PRKG1: variants seen among roughly 807,000 people sequenced by gnomAD.
PRKG1 encodes the protein protein kinase cGMP-dependent 1, also known as cGMP-dependent protein kinase 1.
Under a neutral mutation model 88.1 loss-of-function variants are expected in PRKG1, and 35 were observed. The observed-to-expected ratio is 0.40, with a 90% CI of 0.30 to 0.53. PRKG1 has a LOEUF of 0.53. Ranked by LOEUF, PRKG1 falls within the 20% of genes least tolerant of loss-of-function variation. The pLI is 0.59. For missense variants in PRKG1, 540 were observed against 839.8 expected (o/e 0.64, Z 4.41); for synonymous variants, 303 against 292.5 (o/e 1.04, Z -0.37).
chr10:51,255,930 A>C (rs1181625786), intron 2 of PRKG1, among the ~76,000 whole-genome samples: 1 of 152,142 alleles, frequency 6.6e-6, no homozygotes, highest in African/African-American at 2.4e-5. Flanking sequence ...CTCCTTTTGC[A>C]GATGAGGGAA....
chr10:51,124,704 G>A (rs1362464081), intron 1 of PRKG1, among the ~76,000 whole-genome samples: 1 of 152,128 alleles, frequency 6.6e-6, no homozygotes, highest in East Asian at 1.9e-4. Context: ...AACAAGCATG[G>A]CTTTAGCCCT....
At chr10:52,200,084 G>A (rs1839624265) in intron 9 of PRKG1, among the ~76,000 whole-genome samples, 1 of 151,936 alleles carries the variant, frequency 6.6e-6, no homozygotes, top group Non-Finnish European at 1.5e-5. Flanking sequence ...TTTAGTTGCG[G>A]GAGTACATGT....
chr10:51,275,943 A>C (rs978652550), intron 2 of PRKG1, among the ~76,000 whole-genome samples: 4 of 152,118 alleles, frequency 2.6e-5, no homozygotes, highest in African/African-American at 4.8e-5. Flanking sequence ...AAAAAGCCTA[A>C]AGCAAAGAAG....
chr10:52,153,568 A>G (rs1838001278), intron 8 of PRKG1, among the ~76,000 whole-genome samples: 1 of 152,202 alleles, frequency 6.6e-6, no homozygotes, highest in South Asian at 2.1e-4. Flanking sequence ...GATCTAGGTT[A>G]GATGGATGAT....
Position 51,268,088 on chromosome 10 carries a change from C to T in PRKG1, c.478+114758C>T, listed in dbSNP as rs560663252. Among the ~76,000 whole-genome samples, 141 of 152,172 alleles carry T rather than the reference C, an allele frequency of 9.3e-4. 1 individual carries two copies. Among genetic ancestry groups the T allele is most frequent in the African/African-American group, 3.1e-3 (129 of 41,516 alleles). ...GGAGACATCACATGTCAGCAGGTTC[C>T]GTGATGCCCCACAAGCCACAAAACC... is the stretch of plus-strand genomic sequence containing the variant. On this transcript the variant is annotated intron_variant, in intron 2 of 17. Transcript: ENST00000373980.
intron 3 of PRKG1, among the ~76,000 whole-genome samples, chr10:51,660,795 G>A (rs1022985433): frequency 6.6e-6 from 1 of 151,998 alleles, no homozygotes; most frequent in Non-Finnish European, 1.5e-5. Flanking sequence ...GGCTGCCAGT[G>A]GGTAAAAAGG....
chr10:52,182,993 GA>G (rs1839083755), intron 9 of PRKG1, among the ~76,000 whole-genome samples: 1 of 152,154 alleles, frequency 6.6e-6, no homozygotes, highest in African/African-American at 2.4e-5. Context: ...TTTATATGAT[GA>G]GAGAGGGATA....
intron 3 of PRKG1, among the ~76,000 whole-genome samples, chr10:51,583,154 A>G (rs1348431256): frequency 6.6e-6 from 1 of 152,154 alleles, no homozygotes; most frequent in East Asian, 1.9e-4. Flanking sequence ...CTATTTTGTA[A>G]TCTGAACATT....
intron 3 of PRKG1, among the ~76,000 whole-genome samples, chr10:51,772,515 G>T (rs899330487): frequency 1.3e-5 from 2 of 151,838 alleles, no homozygotes; most frequent in African/African-American, 4.8e-5. Context: ...TTATATAAAC[G>T]TGAATATATT....
intron 2 of PRKG1, among the ~76,000 whole-genome samples, chr10:51,418,723 A>G (rs138261876): frequency 1.6e-4 from 24 of 152,304 alleles, no homozygotes; most frequent in Middle Eastern, 3.4e-3. Flanking sequence ...TGTAGCCAAG[A>G]TGTAGCCCCA....
chr10:51,254,744 C>A (rs943498062), intron 2 of PRKG1, among the ~76,000 whole-genome samples: 2 of 151,928 alleles, frequency 1.3e-5, no homozygotes, highest in African/African-American at 4.8e-5. Context: ...TTTCTTTAGA[C>A]TGAAATTATA....
chr10:51,270,378 G>A (rs1169040426), intron 2 of PRKG1, among the ~76,000 whole-genome samples: 2 of 152,098 alleles, frequency 1.3e-5, no homozygotes, highest in Non-Finnish European at 2.9e-5. Context: ...GAGTAATTTG[G>A]TGGAGGATCA....
Position 51,737,735 on chromosome 10 carries a change from TTATTA to T in PRKG1, c.593-66849_593-66845del, listed in dbSNP as rs1409678096. Among the ~76,000 whole-genome samples the T allele has an allele frequency of 3.6e-3, 491 of 135,460 alleles. 5 individuals carry two copies. Among genetic ancestry groups the T allele is most frequent in the African/African-American group, 0.013 (472 of 36,264 alleles). 88.9% of individuals were successfully genotyped at this position (135,460 alleles called of 152,430 possible). A position where few individuals can be genotyped will look rare whatever the true frequency, so the allele number is the denominator to read the frequency against. On this transcript the variant is annotated intron_variant, in intron 3 of 17. Transcript: ENST00000373980. ...TTTATTTATTTATTTATTTATTTAT[TTATTA>T]ATTATTATTATTATTATTATTATTA...
rs1392315304 is a variant in PRKG1, at chr10:51,191,327, G to A, written c.478+37997G>A. 2.6e-5 allele frequency among the ~76,000 whole-genome samples: 4 copies of A among 151,870 alleles called. No homozygotes were observed. In the East Asian group the frequency reaches 7.7e-4, roughly 29 times the overall value. ...ATCTCCTTTTTTCTACTCACCACCT[G>A]CATAACTGTGGGTAAATTATATAAC... On this transcript the variant is annotated intron_variant, in intron 2 of 17. Coordinates refer to ENST00000373980, the MANE Select transcript of PRKG1 (RefSeq NM_006258.4).
At chr10:51,529,497 A>G (rs540121882) in intron 3 of PRKG1, among the ~76,000 whole-genome samples, 1 of 152,142 alleles carries the variant, frequency 6.6e-6, no homozygotes, top group Non-Finnish European at 1.5e-5. Context: ...TCACCTGCTC[A>G]CTTCTTTATA....
intron 2 of PRKG1, among the ~76,000 whole-genome samples, chr10:51,188,044 T>C (rs1002955382): frequency 6.6e-6 from 1 of 152,048 alleles, no homozygotes. Flanking sequence ...TAGTACAATG[T>C]GAATGGAAAA....
At chr10:51,139,002 G>A (rs1845763940) in intron 1 of PRKG1, among the ~76,000 whole-genome samples, 1 of 152,082 alleles carries the variant, frequency 6.6e-6, no homozygotes, top group Non-Finnish European at 1.5e-5. Flanking sequence ...AACAGGTGAT[G>A]AGACCTACTC....
chr10:51,583,884 G>A (rs1838106511), intron 3 of PRKG1, among the ~76,000 whole-genome samples: 1 of 151,978 alleles, frequency 6.6e-6, no homozygotes, highest in African/African-American at 2.4e-5. Context: ...TATAACACGG[G>A]AACTTTTTCT....
At chr10:51,880,565 C>G (rs929426196) in intron 4 of PRKG1, among the ~76,000 whole-genome samples, 2 of 152,130 alleles carry the variant, frequency 1.3e-5, no homozygotes, top group Non-Finnish European at 2.9e-5. Context: ...ATCTGAGAAT[C>G]TTAGAGAAGG....
Sources: allele counts gnomAD v4.1 joint callset (sites outside exome capture counted in the v4.1 genomes callset), GRCh38; gene constraint gnomAD v4.1.1; transcripts MANE v1.5; gene names NCBI Gene and HGNC (gene_info 2026-07-23, HGNC 2026-07-21).